Variants in TOB2 observed in about 807,000 individuals in gnomAD.
TOB2 encodes transducer of ERBB2, 2.
Under a neutral mutation model 17.3 loss-of-function variants are expected in TOB2, and 3 were observed. That is an observed-to-expected ratio of 0.17 (90% confidence interval 0.08 to 0.45). The LOEUF is 0.45. Ranked by LOEUF, TOB2 falls within the 20% of genes least tolerant of loss-of-function variation. The pLI, the probability that TOB2 is intolerant of heterozygous loss-of-function variation, is 0.99. For synonymous variants in TOB2, 163 were observed against 185.6 expected (o/e 0.88, Z 0.99); for missense variants, 407 against 445.7 (o/e 0.91, Z 0.78).
At chr22:41,444,517 A>T (rs1042421114) in intron 1 of TOB2, among the ~76,000 whole-genome samples, 4 of 152,228 alleles carry the variant, frequency 2.6e-5, no homozygotes, top group Admixed American at 2.0e-4. Flanking sequence ...AGCAGGAGTG[A>T]CCTACTTTCC....
chr22:41,445,382 G>C (rs1023499179), intron 1 of TOB2, among the ~76,000 whole-genome samples: 1 of 152,212 alleles, frequency 6.6e-6, no homozygotes, highest in Non-Finnish European at 1.5e-5. Context: ...TTCACGGAGG[G>C]ATGGGGGTAG....
At chr22:41,442,633 C>T (rs1257036990) in intron 1 of TOB2, among the ~76,000 whole-genome samples, 1 of 152,154 alleles carries the variant, frequency 6.6e-6, no homozygotes. Context: ...TGATGGACAA[C>T]CAGAATGAGA....
At chr22:41,444,429 T>C (rs1274976496) in intron 1 of TOB2, among the ~76,000 whole-genome samples, 3 of 152,236 alleles carry the variant, frequency 2.0e-5, no homozygotes, top group Admixed American at 6.5e-5. Context: ...AACCCAAACG[T>C]AGGCGGAGAG....
At chr22:41,443,815 G>A (rs2037648618) in intron 1 of TOB2, among the ~76,000 whole-genome samples, 1 of 151,548 alleles carries the variant, frequency 6.6e-6, no homozygotes, top group African/African-American at 2.4e-5. Context: ...CAGAGACGGG[G>A]TTTCTCCAAG....
At chr22:41,442,616 A>G (rs1008387386) in intron 1 of TOB2, among the ~76,000 whole-genome samples, 1 of 152,236 alleles carries the variant, frequency 6.6e-6, no homozygotes, top group African/African-American at 2.4e-5. Flanking sequence ...GTGGAACCTT[A>G]CAAAAATGAT....
chr22:41,437,210 G>C lies in TOB2; in HGVS notation c.136C>G (p.Pro46Ala). ...CCAGAGCCTTTCAGTGGCTTCTCAG[G>C]GTACCAGTGGCCTTCATATTTCTTT... ...LKKKYEGHWY[P>A]EKPLKGSGFR... Residue 46 changes from proline to alanine, a missense_variant, in exon 2 of 2, where the codon CCT becomes GCT. By Grantham distance (27) the Pro-to-Ala change is conservative (BLOSUM62 -1). Coordinates refer to ENST00000327492, the MANE Select transcript of TOB2 (RefSeq NM_016272.4). The C allele has an allele frequency of 6.2e-7, 1 of 1,614,084 alleles. No individual in the cohort carries two copies. The highest frequency in any genetic ancestry group is 1.3e-5 in the African/African-American group (1 of 75,002).
chr22:41,445,714 C>T (rs2037676887), intron 1 of TOB2, among the ~76,000 whole-genome samples: 1 of 152,172 alleles, frequency 6.6e-6, no homozygotes. Flanking sequence ...AGGCACCTTA[C>T]CAAGATAAGC....
Position 41,440,509 on chromosome 22 carries a change from G to A in TOB2, c.-62-3102C>T, listed in dbSNP as rs187945898. ...TGCAGCCTCCACCTCCCTGGGCTCA[G>A]GTGATCCTCCCACTTCAGCCTCCAA... On this transcript the variant is annotated intron_variant, in intron 1 of 1. Transcript: ENST00000327492. Among the ~76,000 whole-genome samples, 470 of 151,532 alleles carry A rather than the reference G, an allele frequency of 3.1e-3. 2 individuals carry two copies. The highest frequency in any genetic ancestry group is 0.024 in the Middle Eastern group (7 of 288).
chr22:41,434,689 A>C lies in TOB2; in HGVS notation c.*1622T>G, dbSNP rs1383624373. On this transcript the variant is annotated 3_prime_UTR_variant, in exon 2 of 2. Coordinates refer to ENST00000327492, the MANE Select transcript of TOB2 (RefSeq NM_016272.4). The stretch of plus-strand genomic sequence containing the variant: ...CCAGGGGCTTTGGTGCTTTCTGGTG[A>C]TTGGGACCCTGATGCCAAGTGCCCA... 6.5e-6 allele frequency: 1 copy of C among 152,778 alleles called. No homozygotes were observed. Among genetic ancestry groups the C allele is most frequent in the Non-Finnish European group, 1.5e-5 (1 of 68,178 alleles). 9.5% of individuals were successfully genotyped at this position (152,778 alleles called of 1,614,324 possible).
At chr22:41,439,506 T>C (rs970884836) in intron 1 of TOB2, among the ~76,000 whole-genome samples, 1 of 151,568 alleles carries the variant, frequency 6.6e-6, no homozygotes, top group African/African-American at 2.4e-5. Context: ...TATGTATGTA[T>C]GTATGTATGT....
chr22:41,439,758 C>T (rs1023323073), intron 1 of TOB2, among the ~76,000 whole-genome samples: 1 of 152,100 alleles, frequency 6.6e-6, no homozygotes, highest in African/African-American at 2.4e-5. Flanking sequence ...TAAAGTGTTC[C>T]GCCTGCCTTG....
intron 1 of TOB2, among the ~76,000 whole-genome samples, chr22:41,440,782 C>T (rs1270855876): frequency 6.6e-6 from 1 of 151,950 alleles, no homozygotes; most frequent in Non-Finnish European, 1.5e-5. Context: ...GGCCAGGCTG[C>T]TCTTGAACTC....
Position 41,436,852 on chromosome 22 carries a change from G to T in TOB2, c.494C>A (p.Thr165Asn), listed in dbSNP as rs765640014. The T allele has an allele frequency of 1.2e-5, 20 of 1,614,038 alleles. No homozygotes were observed. The highest frequency in any genetic ancestry group is 3.3e-4 in the Middle Eastern group (2 of 6,084). Residue 165 changes from threonine (T) to asparagine (N), a missense_variant, in exon 2 of 2, where the codon ACC (threonine) becomes AAC (asparagine). By Grantham distance (65) the Thr-to-Asn change is moderately conservative. Transcript: ENST00000327492. The surrounding 1 kb of genome is among the most constrained non-coding windows in gnomAD (Gnocchi z 4.8). ...GGGCTGAGCGGAGCGGGGAATGAAG[G>T]TAGGGCTGGGTGACTGGCCAAAGGA... ...SPSFGQSPSP[T>N]FIPRSAQPIT...
At position 41,435,117 on chromosome 22, in the gene TOB2, T is replaced by C. The variant is rs1313219903; in HGVS notation, c.*1194A>G. On this transcript the variant is annotated 3_prime_UTR_variant, in exon 2 of 2. Transcript: ENST00000327492. ...GGGTGCTCAGGTGAGCAGCTCCCTC[T>C]GGGCTAAGGCCAAACAACAGGAGGG... is the stretch of plus-strand genomic sequence containing the variant. 4 of 152,630 alleles carry C rather than the reference T, an allele frequency of 2.6e-5. No individual in the cohort carries two copies. The highest frequency in any genetic ancestry group is 9.6e-5 in the African/African-American group (4 of 41,460). 9.5% of individuals were successfully genotyped at this position (152,630 alleles called of 1,614,324 possible).
rs1203972137 is a variant in TOB2, at chr22:41,434,351, G to A, written c.*1960C>T. 2 of 152,846 alleles carry A rather than the reference G, an allele frequency of 1.3e-5. No individual in the cohort carries two copies. Among genetic ancestry groups the A allele is most frequent in the Non-Finnish European group, 2.9e-5 (2 of 68,266 alleles). The allele number at this position is 152,846 out of a possible 1,614,324, so 9.5% of individuals were successfully genotyped here. ...GGTGTGGGTGGGTGCCTGTGTGTGT[G>A]GATGGGAGGAGGGCTAGAAGGGGAT... On this transcript the variant is annotated 3_prime_UTR_variant, in exon 2 of 2. Transcript: ENST00000327492.
At chr22:41,442,463 C>G (rs2037630776) in intron 1 of TOB2, among the ~76,000 whole-genome samples, 1 of 152,228 alleles carries the variant, frequency 6.6e-6, no homozygotes, top group African/African-American at 2.4e-5. Flanking sequence ...TCAGCCCTGC[C>G]TAGCTAACCA....
intron 1 of TOB2, among the ~76,000 whole-genome samples, chr22:41,440,526 A>C (rs915325059): frequency 2.0e-5 from 3 of 147,880 alleles, no homozygotes; most frequent in African/African-American, 7.5e-5. Context: ...CTCCCACTTC[A>C]GCCTCCAAGT....
intron 1 of TOB2, among the ~76,000 whole-genome samples, chr22:41,438,209 G>T (rs1179051701): frequency 6.6e-6 from 1 of 152,134 alleles, no homozygotes; most frequent in Non-Finnish European, 1.5e-5. Flanking sequence ...AGGGATACAG[G>T]TCACTGAACA....
rs2037542304 is a variant in TOB2, at chr22:41,436,069, A to G, written c.*242T>C. On this transcript the variant is annotated 3_prime_UTR_variant, in exon 2 of 2. Transcript: ENST00000327492. The surrounding 1 kb of genome is among the most constrained non-coding windows in gnomAD (Gnocchi z 4.8). ...AGAAAAAAAAAAAAGAAAAAGAAAT[A>G]TAAAACCCAAACCAACCAAATAAAT... The G allele has an allele frequency of 2.4e-6, 1 of 421,772 alleles. No individual in the cohort carries two copies. Among genetic ancestry groups the G allele is most frequent in the Non-Finnish European group, 4.1e-6 (1 of 242,502 alleles). 26.1% of individuals were successfully genotyped at this position (421,772 alleles called of 1,614,324 possible).
Sources: gnomAD v4.1 joint callset for allele counts (sites outside exome capture counted in the v4.1 genomes callset) on GRCh38, gnomAD v4.1.1 for gene constraint, Gnocchi (gnomAD v3.1) non-coding constraint, MANE v1.5 for transcripts, NCBI Gene and HGNC (gene_info 2026-07-23, HGNC 2026-07-21) for gene names.